Variants in PHF24 observed in about 807,000 individuals in gnomAD.
PHF24 encodes PHD finger protein 24, also known as Galpha inhibitory interacting protein.
In PHF24, 25 loss-of-function variants were observed where a neutral mutation model predicts 42.6. The ratio of observed to expected loss-of-function variants is 0.59; its 90% CI spans 0.43 to 0.82. The LOEUF is 0.82. Among genes scored for constraint, PHF24 ranks in the 40% least tolerant of loss-of-function variants. The pLI is 0.00. For synonymous variants in PHF24, 185 were observed against 204.8 expected, an observed-to-expected ratio of 0.90 and a Z score of 0.83; for missense variants, 470 against 538.1, an observed-to-expected ratio of 0.87 and a Z score of 1.25.
At chr9:34,837,000 A>G in the PHF24 span, 2 of 461,464 alleles carry the variant, frequency 4.3e-6, no homozygotes, top group South Asian at 3.2e-5. Flanking sequence ...GTCCTGCCCC[A>G]GGCTAAATGA....
chr9:34,769,819 T>C, the PHF24 span, among the ~76,000 whole-genome samples: 1 of 152,184 alleles, frequency 6.6e-6, no homozygotes. Flanking sequence ...CATATATCTT[T>C]TGAATAAATG....
At chr9:34,910,894 C>G in the PHF24 span, among the ~76,000 whole-genome samples, 1 of 151,886 alleles carries the variant, frequency 6.6e-6, no homozygotes, top group Non-Finnish European at 1.5e-5. Context: ...AGGAACATAG[C>G]TTACTACAGC....
the PHF24 span, among the ~76,000 whole-genome samples, chr9:34,796,095 A>G: frequency 6.8e-6 from 1 of 147,048 alleles, no homozygotes; most frequent in Non-Finnish European, 1.5e-5. Flanking sequence ...TGACAAAGGT[A>G]CAAAATAAAT....
the PHF24 span, among the ~76,000 whole-genome samples, chr9:34,935,866 G>A: frequency 1.3e-5 from 2 of 151,484 alleles, no homozygotes; most frequent in Non-Finnish European, 2.9e-5. Context: ...ACAAAGAGGA[G>A]GGAAAAAAGA....
the PHF24 span, among the ~76,000 whole-genome samples, chr9:34,937,117 C>G: frequency 1.3e-5 from 2 of 150,828 alleles, no homozygotes; most frequent in African/African-American, 4.8e-5. Context: ...TGAGGAGCCC[C>G]TCTGCCCGGC....
At chr9:34,856,900 C>T in the PHF24 span, among the ~76,000 whole-genome samples, 5,918 of 152,294 alleles carry the variant, frequency 0.039, 291 homozygotes, top group African/African-American at 0.1. Context: ...CTGCCCCTCC[C>T]GATGGGGACT....
the PHF24 span, among the ~76,000 whole-genome samples, chr9:34,805,723 A>G: frequency 6.6e-6 from 1 of 152,106 alleles, no homozygotes; most frequent in Admixed American, 6.6e-5. Flanking sequence ...ATAAAGTCCA[A>G]TTTATCTATT....
the PHF24 span, among the ~76,000 whole-genome samples, chr9:34,930,090 G>A: frequency 6.6e-5 from 10 of 152,280 alleles, no homozygotes; most frequent in Admixed American, 1.3e-4. Flanking sequence ...GCATTTCCAC[G>A]TAAAATAGAG....
the PHF24 span, among the ~76,000 whole-genome samples, chr9:34,763,175 A>C: frequency 5.5e-4 from 84 of 152,266 alleles, no homozygotes; most frequent in African/African-American, 1.9e-3. Flanking sequence ...TGACTTGGTG[A>C]TGCGGGCTCT....
the PHF24 span, chr9:34,728,223 A>G: frequency 5.8e-6 from 4 of 693,010 alleles, no homozygotes; most frequent in Admixed American, 1.2e-4. Context: ...ATGTCTGAGT[A>G]CAGCATCGCT....
At chr9:34,750,132 G>A in the PHF24 span, among the ~76,000 whole-genome samples, 1 of 152,140 alleles carries the variant, frequency 6.6e-6, no homozygotes, top group Non-Finnish European at 1.5e-5. Flanking sequence ...TGATCCAAAT[G>A]TACAAAACTT....
At position 34,976,856 on chromosome 9, in the gene PHF24, A is replaced by G. The variant is rs1393938257; in HGVS notation, c.849+116A>G. 9 of 989,850 alleles carry G rather than the reference A, an allele frequency of 9.1e-6. No homozygotes were observed. The Admixed American group carries it at 2.2e-4, about 24-fold the overall frequency. 61.3% of individuals were successfully genotyped at this position (989,850 alleles called of 1,614,324 possible). On this transcript the variant is annotated intron_variant, in intron 5 of 7. Coordinates refer to ENST00000242315, the Ensembl canonical transcript of PHF24. Reference sequence around the variant, plus strand: ...GCTCAAGCAGGGACAAGTATCAGGAATGGGCTCAGGTTCCATCCAGTGACA... The same window carrying G: ...GCTCAAGCAGGGACAAGTATCAGGAGTGGGCTCAGGTTCCATCCAGTGACA...
chr9:34,729,249 A>G, the PHF24 span: 2 of 1,537,770 alleles, frequency 1.3e-6, no homozygotes, highest in Non-Finnish European at 1.8e-6. Flanking sequence ...TTCTTATCTG[A>G]GGCTTAATTA....
chr9:34,791,000 G>A, the PHF24 span, among the ~76,000 whole-genome samples: 1 of 152,236 alleles, frequency 6.6e-6, no homozygotes, highest in Admixed American at 6.5e-5. Context: ...GTAGGGGCTT[G>A]TAGGCCAAGT....
the PHF24 span, among the ~76,000 whole-genome samples, chr9:34,732,159 T>A: frequency 5.9e-5 from 9 of 152,002 alleles, no homozygotes; most frequent in Non-Finnish European, 1.3e-4. Context: ...TATTTTTAGT[T>A]TTTTTGGGGA....
At chr9:34,874,745 G>T in the PHF24 span, among the ~76,000 whole-genome samples, 1 of 152,184 alleles carries the variant, frequency 6.6e-6, no homozygotes, top group East Asian at 1.9e-4. Flanking sequence ...TCAAAGGTAA[G>T]TTAGTAGTGT....
At chr9:34,680,905 GGTT>G in the PHF24 span, 7 of 152,004 alleles carry the variant, frequency 4.6e-5, no homozygotes, top group East Asian at 7.7e-4. Context: ...CTTGAATATA[GGTT>G]GTTGTGGTGG....
the PHF24 span, among the ~76,000 whole-genome samples, chr9:34,915,011 T>C: frequency 7.0e-6 from 1 of 143,220 alleles, no homozygotes; most frequent in Non-Finnish European, 1.5e-5. Context: ...GGTTGACACA[T>C]TTCTTTTTTC....
chr9:34,682,443 G>A, the PHF24 span, among the ~76,000 whole-genome samples: 2 of 152,010 alleles, frequency 1.3e-5, no homozygotes, highest in Non-Finnish European at 1.5e-5. Context: ...CTTTCGGGGG[G>A]GTGAATTTTT....
Sources: allele counts gnomAD v4.1 joint callset (sites outside exome capture counted in the v4.1 genomes callset), GRCh38; gene constraint gnomAD v4.1.1; transcripts MANE v1.5; gene names NCBI Gene and HGNC (gene_info 2026-07-23, HGNC 2026-07-21).